Variants in PALM2AKAP2 observed in about 807,000 individuals in gnomAD.
PALM2AKAP2 encodes the protein PALM2 and AKAP2 fusion.
Under a neutral mutation model 71.5 loss-of-function variants are expected in PALM2AKAP2, and 37 were observed. That is an observed-to-expected ratio of 0.52 (90% CI 0.40 to 0.68). PALM2AKAP2 has a LOEUF of 0.68. Ranked by LOEUF, PALM2AKAP2 falls within the 30% of genes least tolerant of loss-of-function variation. PALM2AKAP2 has a pLI of 0.00. For synonymous variants in PALM2AKAP2, 468 were observed against 478.8 expected (o/e 0.98, Z 0.29); for missense variants, 1,224 against 1,191.8 (o/e 1.03, Z -0.40).
chr9:109,943,565 T>C (rs909763603), intron 6 of PALM2AKAP2: 37 of 1,232,994 alleles, frequency 3.0e-5, no homozygotes, highest in Non-Finnish European at 4.0e-5. Flanking sequence ...TTGATCTCTC[T>C]CATTTTTTTT....
At chr9:109,980,868 TGACA>T (rs1832256538) in intron 6 of PALM2AKAP2, among the ~76,000 whole-genome samples, 1 of 152,222 alleles carries the variant, frequency 6.6e-6, no homozygotes, top group Admixed American at 6.5e-5. Context: ...TTTGTTTAAT[TGACA>T]GACAGAACCA....
intron 3 of PALM2AKAP2, among the ~76,000 whole-genome samples, chr9:109,894,165 C>T (rs13299687): frequency 2.6e-5 from 4 of 151,936 alleles, no homozygotes; most frequent in Non-Finnish European, 4.4e-5. Context: ...GATGAAACCC[C>T]GTCTCTACTA....
intron 1 of PALM2AKAP2, among the ~76,000 whole-genome samples, chr9:109,702,963 C>T (rs1475170039): frequency 6.6e-6 from 1 of 152,032 alleles, no homozygotes; most frequent in Admixed American, 6.5e-5. Context: ...GGAGTACAGG[C>T]ACATGCCAAC....
chr9:109,708,280 A>T (rs1273331362), intron 1 of PALM2AKAP2, among the ~76,000 whole-genome samples: 5 of 152,100 alleles, frequency 3.3e-5, no homozygotes, highest in Non-Finnish European at 5.9e-5. Context: ...ATGCTACAAG[A>T]GTAAGTCCTG....
chr9:109,664,134 C>G (rs1827441898), intron 1 of PALM2AKAP2, among the ~76,000 whole-genome samples: 1 of 152,138 alleles, frequency 6.6e-6, no homozygotes, highest in African/African-American at 2.4e-5. Context: ...GGTCTTGACT[C>G]TTTCTCCAAT....
rs1828476616 is a variant in PALM2AKAP2 at position 109,836,365 on chromosome 9, A to G, written c.46-31126A>G. Among the ~76,000 whole-genome samples the G allele has an allele frequency of 2.0e-5, 3 of 152,246 alleles. No homozygotes were observed. The South Asian group carries it at 6.2e-4, about 31-fold the overall frequency. On this transcript the variant is annotated intron_variant, in intron 1 of 9. Coordinates refer to the PALM2AKAP2 transcript ENST00000302798. ...AACAAACAGAAAGGACATCGACACC[A>G]AAACCACATCTGTACGTCACCATCA...
At chr9:110,109,105 G>A (rs537471079) in intron 1 of PALM2AKAP2, among the ~76,000 whole-genome samples, 1 of 152,146 alleles carries the variant, frequency 6.6e-6, no homozygotes, top group East Asian at 1.9e-4. Context: ...ATCACCTGAG[G>A]TCAGGAGTTC....
At chr9:109,917,484 C>CTTTTTTTT (rs59106508) in intron 3 of PALM2AKAP2, among the ~76,000 whole-genome samples, 3 of 111,434 alleles carry the variant, frequency 2.7e-5, no homozygotes, top group Non-Finnish European at 3.6e-5. Context: ...CGCTCCTTTC[C>CTTTTTTTT]TTTTTTTTTT....
At chr9:110,014,803 A>AAAT (rs1832947098) in intron 6 of PALM2AKAP2, among the ~76,000 whole-genome samples, 1 of 16,018 alleles carries the variant, frequency 6.2e-5, no homozygotes, top group Non-Finnish European at 1.4e-4. Context: ...AAAAAAAAAA[A>AAAT]ATGTATATAT....
At chr9:109,759,674 A>G (rs1179974085) in intron 1 of PALM2AKAP2, among the ~76,000 whole-genome samples, 1 of 152,110 alleles carries the variant, frequency 6.6e-6, no homozygotes, top group Non-Finnish European at 1.5e-5. Flanking sequence ...CCTCCATGAA[A>G]TATTTCTTGG....
intron 6 of PALM2AKAP2, among the ~76,000 whole-genome samples, chr9:109,947,313 A>C: frequency 6.6e-6 from 1 of 152,366 alleles, no homozygotes; most frequent in East Asian, 1.9e-4. Context: ...GGTTAAAGTC[A>C]AGTTTTTATA....
intron 6 of PALM2AKAP2, among the ~76,000 whole-genome samples, chr9:110,001,387 A>G (rs1161777159): frequency 6.6e-6 from 1 of 152,170 alleles, no homozygotes; most frequent in Admixed American, 6.5e-5. Context: ...CTGTTTTGGT[A>G]CCAGTACCAT....
intron 1 of PALM2AKAP2, among the ~76,000 whole-genome samples, chr9:110,126,253 C>T (rs1393738762): frequency 6.6e-6 from 1 of 152,150 alleles, no homozygotes; most frequent in Non-Finnish European, 1.5e-5. Flanking sequence ...GGCTCTGCCT[C>T]AATATAGTGG....
At chr9:109,890,009 A>G (rs892192694) in intron 3 of PALM2AKAP2, among the ~76,000 whole-genome samples, 1 of 152,194 alleles carries the variant, frequency 6.6e-6, no homozygotes, top group African/African-American at 2.4e-5. Context: ...AAAAGCTTTG[A>G]TAATAGTCTT....
upstream of PALM2AKAP2, among the ~76,000 whole-genome samples, chr9:110,047,214 C>G (rs260214): frequency 0.73 from 111,142 of 152,108 alleles, 40,988 homozygotes; most frequent in African/African-American, 0.83. Context: ...CAAAAAGGAT[C>G]GTGAAACCAT....
intron 6 of PALM2AKAP2, chr9:109,942,566 G>C (rs1257504571): frequency 6.3e-6 from 7 of 1,114,118 alleles, no homozygotes; most frequent in Non-Finnish European, 8.8e-6. Context: ...TAACACTCAA[G>C]ATGCTTGGCA....
intron 1 of PALM2AKAP2, among the ~76,000 whole-genome samples, chr9:109,720,050 G>A (rs915494931): frequency 3.3e-5 from 5 of 151,530 alleles, no homozygotes; most frequent in Admixed American, 6.6e-5. Context: ...GTGCAGTGGC[G>A]TGATCTCCGC....
At chr9:109,885,036 C>G (rs1319399907) in intron 3 of PALM2AKAP2, among the ~76,000 whole-genome samples, 2 of 152,180 alleles carry the variant, frequency 1.3e-5, no homozygotes, top group African/African-American at 4.8e-5. Context: ...ATGGCAAAGA[C>G]TTCAAATAAA....
At chr9:109,665,853 G>A (rs1477765407) in intron 1 of PALM2AKAP2, among the ~76,000 whole-genome samples, 1 of 152,216 alleles carries the variant, frequency 6.6e-6, no homozygotes, top group Non-Finnish European at 1.5e-5. Flanking sequence ...CACCCAGTTC[G>A]AGCTTCCCTG....
Sources: gnomAD v4.1 joint callset for allele counts (sites outside exome capture counted in the v4.1 genomes callset) on GRCh38, gnomAD v4.1.1 for gene constraint, MANE v1.5 for transcripts, NCBI Gene and HGNC (gene_info 2026-07-23, HGNC 2026-07-21) for gene names.